The following LIMS2 variants were observed in gnomAD, a reference collection of about 807,000 sequenced individuals.
LIMS2 encodes the protein LIM and senescent cell antigen-like-containing domain protein 2.
In LIMS2, 30 loss-of-function variants were observed where a neutral mutation model predicts 45.3. The ratio of observed to expected loss-of-function variants is 0.66; its 90% CI spans 0.50 to 0.90. The LOEUF is 0.90. Ranked by LOEUF, LIMS2 falls within the 40% of genes least tolerant of loss-of-function variation. LIMS2 has a pLI of 0.00. For missense variants in LIMS2, 485 were observed against 468.7 expected (o/e 1.03, Z -0.32); for synonymous variants, 173 against 188.0 (o/e 0.92, Z 0.65).
In LIMS2 at chr2:127,642,124, G is replaced by T. The variant is rs1325096398; in HGVS notation, c.585C>A (p.Val195=). Residue 195 remains valine, a synonymous_variant, in exon 6 of 10, where the codon GTC becomes GTA. Coordinates refer to ENST00000355119, the MANE Select transcript of LIMS2 (RefSeq NM_001161403.3). The surrounding 1 kb of genome is among the most constrained non-coding windows in gnomAD (Gnocchi z 5.3). ...GCCGGCGGCAGGCCCCGCAGATGGG[G>T]ACGCCCATCTTGTCATGGCAGGGCA... ...YCLPCHDKMG[V]PICGACRRPI... The T allele has an allele frequency of 6.2e-6, 10 of 1,607,418 alleles. No individual in the cohort carries two copies. Among genetic ancestry groups the T allele is most frequent in the Non-Finnish European group, 8.5e-6 (10 of 1,176,838 alleles).
At position 127,639,374 on chromosome 2, in the gene LIMS2, C is replaced by A. The variant is rs1234445989; in HGVS notation, c.933G>T (p.Lys311Asn). ...MKPVCKRCYEKFPLELKKRLK... is the reference protein window; with the variant it reads ...MKPVCKRCYENFPLELKKRLK... ...GCCGCTTCTTCAGCTCCAGCGGGAA[C>A]TTCTCGTAGCACCTCTTACACACGG... Residue 311 changes from lysine (K) to asparagine (N), a missense_variant, in exon 10 of 10, where the codon AAG becomes AAT. Physicochemically the swap from Lys to Asn is moderately conservative, Grantham distance 94. Coordinates refer to ENST00000355119, the MANE Select transcript of LIMS2 (RefSeq NM_001161403.3). 6.2e-7 allele frequency: 1 copy of A among 1,613,892 alleles called. No homozygotes were observed. The highest frequency in any genetic ancestry group is 1.7e-5 in the Admixed American group (1 of 59,996).
intron 1 of LIMS2, among the ~76,000 whole-genome samples, chr2:127,668,495 C>G (rs894824597): frequency 1.4e-4 from 21 of 151,154 alleles, no homozygotes; most frequent in Non-Finnish European, 3.1e-4. Context: ...ATGGCAAAAC[C>G]CGATCTCTAC....
chr2:127,651,188 C>T, intron 4 of LIMS2: 1 of 1,611,444 alleles, frequency 6.2e-7, no homozygotes, highest in East Asian at 2.2e-5. Flanking sequence ...CACACCTGGC[C>T]TGTGCCTTCC....
upstream of LIMS2, among the ~76,000 whole-genome samples, chr2:127,676,975 A>G (rs1685516859): frequency 6.6e-6 from 1 of 152,218 alleles, no homozygotes; most frequent in Non-Finnish European, 1.5e-5. Context: ...GCCTCCCTGC[A>G]TATGATAGCT....
intron 4 of LIMS2, chr2:127,646,560 G>A (rs911851791): frequency 6.6e-6 from 1 of 152,270 alleles, no homozygotes; most frequent in African/African-American, 2.4e-5. Flanking sequence ...GAGAGGGCTC[G>A]GGCCAGGGAT....
Position 127,664,298 on chromosome 2 carries a change from C to G in LIMS2, c.12-6736G>C. On this transcript the variant is annotated intron_variant, in intron 1 of 9. Coordinates refer to ENST00000355119, the MANE Select transcript of LIMS2 (RefSeq NM_001161403.3). This position sits in a 1 kb window ranked among gnomAD's most constrained non-coding sequence, Gnocchi z 5.5. ...TCCCCGCCACCCGCCCCGCCCCTGG[C>G]CACCTACCCCGTGGCTGGCGGCGGG... The G allele has an allele frequency of 8.1e-7, 1 of 1,236,054 alleles. No individual in the cohort carries two copies. Among genetic ancestry groups the G allele is most frequent in the Non-Finnish European group, 1.0e-6 (1 of 990,458 alleles). 76.6% of individuals were successfully genotyped at this position (1,236,054 alleles called of 1,614,324 possible). A position where few individuals can be genotyped will look rare whatever the true frequency, so the allele number is the denominator to read the frequency against.
chr2:127,657,386 C>T lies in LIMS2; in HGVS notation c.171+17G>A. 1.2e-6 allele frequency: 2 copies of T among 1,613,616 alleles called. No individual in the cohort carries two copies. Among genetic ancestry groups the T allele is most frequent in the Non-Finnish European group, 1.7e-6 (2 of 1,179,956 alleles). ...ACTCCGAGCTGGGTCTGAGAAAGCC[C>T]TCAGTAGTGTCCTCACCTCATAGAA... On this transcript the variant is annotated intron_variant, in intron 2 of 9. Transcript: ENST00000355119.
Position 127,664,852 on chromosome 2 carries a change from C to A in LIMS2, c.12-7290G>T, listed in dbSNP as rs1022615098. ...GGATCCCTGCCAACAGTTAGGAAAC[C>A]GAGGACCGGAGCCACACAGGCCCAC... On this transcript the variant is annotated intron_variant, in intron 1 of 9. Transcript: ENST00000355119. This position sits in a 1 kb window ranked among gnomAD's most constrained non-coding sequence, Gnocchi z 5.5. 6.6e-6 allele frequency among the ~76,000 whole-genome samples: 1 copy of A among 152,150 alleles called. No homozygotes were observed. Among genetic ancestry groups the A allele is most frequent in the Admixed American group, 6.5e-5 (1 of 15,284 alleles).
chr2:127,644,185 A>T (rs1471919726), intron 4 of LIMS2: 1 of 444,880 alleles, frequency 2.2e-6, no homozygotes, highest in African/African-American at 2.0e-5. Context: ...CCCAGCAGTC[A>T]CTGGCTAAGC....
intron 7 of LIMS2, 185 bp from the exon 8 acceptor site, chr2:127,640,503 G>C (rs969322996): frequency 1.5e-6 from 1 of 653,260 alleles, no homozygotes; most frequent in African/African-American, 1.8e-5. Context: ...CTTCCGGGAA[G>C]GACAACAGGC....
chr2:127,654,263 C>A (rs1428278902), intron 4 of LIMS2, among the ~76,000 whole-genome samples, 161 bp downstream of exon 4: 1 of 152,052 alleles, frequency 6.6e-6, no homozygotes, highest in Non-Finnish European at 1.5e-5. Flanking sequence ...GCTGGACTAT[C>A]CGCCCCGGGG....
intron 4 of LIMS2, chr2:127,650,362 C>T (rs560790365): frequency 1.3e-5 from 7 of 537,866 alleles, no homozygotes; most frequent in South Asian, 9.4e-5. Context: ...AGAGGCAGAA[C>T]AGAAAACCCA....
rs567953700 is a variant in LIMS2, at chr2:127,655,119, G to A, written c.172-223C>T. 22 of 611,976 alleles carry A rather than the reference G, an allele frequency of 3.6e-5. No homozygotes were observed. In the South Asian group the frequency reaches 3.9e-4, roughly 11 times the overall value. The allele number at this position is 611,976 out of a possible 1,614,324, so 37.9% of individuals were successfully genotyped here. A position where few individuals can be genotyped will look rare whatever the true frequency, so the allele number is the denominator to read the frequency against. ...AGGTGCCCCCGTGGAAGCTGGAGAG[G>A]TCCGTGAGGCCACCTGTCAAAGGGC... On this transcript the variant is annotated intron_variant, in intron 2 of 9. Transcript: ENST00000355119.
At chr2:127,648,702 A>C (rs572337792) in intron 4 of LIMS2, among the ~76,000 whole-genome samples, 2 of 152,128 alleles carry the variant, frequency 1.3e-5, no homozygotes, top group African/African-American at 4.8e-5. Flanking sequence ...AGAGAGGATC[A>C]CTTGAGCCCA....
intron 1 of LIMS2, 132 bp downstream of exon 1, chr2:127,674,882 T>G: frequency 8.2e-7 from 1 of 1,214,114 alleles, no homozygotes; most frequent in Non-Finnish European, 1.0e-6. Flanking sequence ...CCCCGGCAGC[T>G]GCGAGAATCC....
intron 4 of LIMS2, among the ~76,000 whole-genome samples, chr2:127,649,493 C>T (rs763124778): frequency 3.2e-4 from 49 of 152,334 alleles, no homozygotes; most frequent in African/African-American, 8.4e-4. Context: ...CCCACCTGGC[C>T]GAAGCCCGCT....
chr2:127,663,937 A>C (rs1280959210), intron 1 of LIMS2, among the ~76,000 whole-genome samples: 2 of 151,988 alleles, frequency 1.3e-5, no homozygotes, highest in Non-Finnish European at 2.9e-5. Flanking sequence ...GGTTCAAATC[A>C]CAGCATAGCC....
At chr2:127,649,820 C>A (rs1683517045) in intron 4 of LIMS2, 1 of 588,474 alleles carries the variant, frequency 1.7e-6, no homozygotes, top group Admixed American at 3.1e-5. Flanking sequence ...GGCCTCCAGG[C>A]CTCTCTGGGG....
Position 127,641,857 on chromosome 2 carries a change from C to A in LIMS2, c.660+192G>T. On this transcript the variant is annotated intron_variant, in intron 6 of 9. Coordinates refer to ENST00000355119, the MANE Select transcript of LIMS2 (RefSeq NM_001161403.3). ...CCCAACCGTGTGTGTGCACTCGGGT[C>A]TCCTGGCTCCCGTGGGCAGGCTGGG... 5.1e-6 allele frequency: 3 copies of A among 582,928 alleles called. No homozygotes were observed. In the South Asian group the frequency reaches 7.5e-5, roughly 15 times the overall value. 36.1% of individuals were successfully genotyped at this position (582,928 alleles called of 1,614,324 possible). A position where few individuals can be genotyped will look rare whatever the true frequency, so the allele number is the denominator to read the frequency against.
Sources: gnomAD v4.1 joint callset for allele counts (sites outside exome capture counted in the v4.1 genomes callset) on GRCh38, gnomAD v4.1.1 for gene constraint, Gnocchi (gnomAD v3.1) non-coding constraint, MANE v1.5 for transcripts, NCBI Gene and HGNC (gene_info 2026-07-23, HGNC 2026-07-21) for gene names.